SLTM: variants seen among roughly 807,000 people sequenced by gnomAD.
SLTM encodes SAFB like transcription modulator.
In SLTM, 43 loss-of-function variants were observed where a neutral mutation model predicts 134.6. The ratio of observed to expected loss-of-function variants is 0.32; its 90% CI spans 0.25 to 0.41. The LOEUF is 0.41. Ranked by LOEUF, SLTM falls within the 10% of genes least tolerant of loss-of-function variation. The probability of loss-of-function intolerance (pLI) is 1.00; values close to 1 mark genes in which losing one functional copy is unlikely to be tolerated. For missense variants in SLTM, 1,055 were observed against 1,288.8 expected, an observed-to-expected ratio of 0.82 and a Z score of 2.78; for synonymous variants, 424 against 432.3, an observed-to-expected ratio of 0.98 and a Z score of 0.24.
intron 5 of SLTM, among the ~76,000 whole-genome samples, chr15:58,908,281 G>A (rs1294187915): frequency 6.6e-6 from 1 of 151,850 alleles, no homozygotes; most frequent in Non-Finnish European, 1.5e-5. Flanking sequence ...GACTGGTCTT[G>A]AACTCTTGAG....
At position 58,933,538 on chromosome 15, in the gene SLTM, C is replaced by A. The variant is rs1368470492; in HGVS notation, c.28G>T (p.Ala10Ser). The change falls in exon 1 of 21, where the codon GCC becomes TCC. Residue 10 changes from alanine (A) to serine (S), a missense_variant. Transcript: ENST00000380516. ...TCCGCCTGACCCGAGGCGGCCGAGG[C>A]TGCCACCGCACCGGTAGCGGCAGCC... MAAATGAVA[A>S]SAASGQAEGK... The A allele has an allele frequency of 6.3e-7, 1 of 1,595,754 alleles. No individual in the cohort carries two copies. Among genetic ancestry groups the A allele is most frequent in the South Asian group, 1.1e-5 (1 of 89,080 alleles).
intron 3 of SLTM, among the ~76,000 whole-genome samples, chr15:58,915,308 T>C (rs1197835641): frequency 6.6e-6 from 1 of 152,252 alleles, no homozygotes; most frequent in Admixed American, 6.5e-5. Context: ...TTGTGGCACA[T>C]ATAAGAGACA....
chr15:58,926,613 CTT>C (rs377711971), intron 2 of SLTM, among the ~76,000 whole-genome samples: 2 of 141,706 alleles, frequency 1.4e-5, no homozygotes, highest in Non-Finnish European at 1.6e-5. Context: ...TCTGGATTAC[CTT>C]TTTTTTTTTT....
In SLTM at chr15:58,886,013, G is replaced by A. The variant is rs116313358; in HGVS notation, c.2835+962C>T. ...GAGGCAAAAGGTTTTTGTTCATTTCGGTCTCTAAAAGATAAAGACACTTTC... is the reference window on the plus strand; with the variant it reads ...GAGGCAAAAGGTTTTTGTTCATTTCAGTCTCTAAAAGATAAAGACACTTTC... On this transcript the variant is annotated intron_variant, in intron 19 of 20. Transcript: ENST00000380516. 2.1e-3 allele frequency among the ~76,000 whole-genome samples: 321 copies of A among 151,972 alleles called. 2 individuals carry two copies. The highest frequency in any genetic ancestry group is 7.6e-3 in the African/African-American group (317 of 41,446).
intron 2 of SLTM, among the ~76,000 whole-genome samples, chr15:58,931,992 G>A (rs2037912120): frequency 6.6e-6 from 1 of 152,208 alleles, no homozygotes; most frequent in African/African-American, 2.4e-5. Context: ...AGGAGGCAAG[G>A]TAAAAGATTT....
chr15:58,893,195 C>G (rs776356725), intron 13 of SLTM, 84 bp downstream of exon 13: 1 of 1,425,260 alleles, frequency 7.0e-7, no homozygotes. Context: ...CATGCAAGTA[C>G]GCAAAGATGG....
At chr15:58,911,971 C>A (rs1272115247) in intron 5 of SLTM, among the ~76,000 whole-genome samples, 1 of 152,092 alleles carries the variant, frequency 6.6e-6, no homozygotes, top group Non-Finnish European at 1.5e-5. Flanking sequence ...ATGTAGACTT[C>A]TCAAAAGACT....
intron 9 of SLTM, among the ~76,000 whole-genome samples, chr15:58,896,475 C>T (rs768339385): frequency 6.6e-6 from 1 of 151,898 alleles, no homozygotes; most frequent in African/African-American, 2.4e-5. Context: ...GCATGAGAAT[C>T]GTTTAAACTT....
chr15:58,898,915 C>A, intron 7 of SLTM, 63 bp from the exon 8 acceptor site: 3 of 1,192,868 alleles, frequency 2.5e-6, no homozygotes, highest in Admixed American at 2.0e-5. Context: ...CAAAACAGAA[C>A]AGCTTGATAT....
chr15:58,903,499 T>A (rs1475892095), intron 5 of SLTM, among the ~76,000 whole-genome samples: 1 of 139,886 alleles, frequency 7.1e-6, no homozygotes, highest in East Asian at 2.1e-4. Context: ...AAACACAGAT[T>A]TTGATTCAGA....
chr15:58,886,991 C>T lies in SLTM; in HGVS notation c.2819G>A (p.Arg940Gln), dbSNP rs764322327. Reference protein sequence around the residue: ...REGDRGVITDRGGGSQHYPEE... With the variant: ...REGDRGVITDQGGGSQHYPEE... ...AGCACTTACCTGTGATCCACCTCCT[C>T]GGTCTGTGATGACTCCTCTGTCTCC... is the stretch of plus-strand genomic sequence containing the variant. Residue 940 changes from arginine to glutamine, a missense_variant, in exon 19 of 21, where the codon CGA (arginine) becomes CAA (glutamine). This residue lies in a region of SLTM where 776 missense variants were observed against 962.2 expected (regional missense o/e 0.81). Transcript: ENST00000380516. 8 of 1,612,356 alleles carry T rather than the reference C, an allele frequency of 5.0e-6. No individual in the cohort carries two copies. Among genetic ancestry groups the T allele is most frequent in the Non-Finnish European group, 5.9e-6 (7 of 1,180,020 alleles).
intron 6 of SLTM, 82 bp downstream of exon 6, chr15:58,901,178 G>T: frequency 9.7e-7 from 1 of 1,028,908 alleles, no homozygotes; most frequent in Non-Finnish European, 1.5e-6. Context: ...TCAAAAATAA[G>T]ATTTCAAATA....
intron 2 of SLTM, among the ~76,000 whole-genome samples, chr15:58,918,890 T>C (rs1277185260): frequency 6.6e-6 from 1 of 151,874 alleles, no homozygotes; most frequent in East Asian, 1.9e-4. Flanking sequence ...GATGTCCTTT[T>C]CCTGAAAAAG....
chr15:58,899,237 C>CA lies in SLTM; in HGVS notation c.1058+231dup, dbSNP rs1460931372. ...AAAAAAAACAAAAAACAAAAAACAA[C>CA]AAAAAAACCAAATATATGCTGACAT... On this transcript the variant is annotated intron_variant, in intron 7 of 20. Coordinates refer to ENST00000380516, the MANE Select transcript of SLTM (RefSeq NM_024755.4). This position sits in a 1 kb window ranked among gnomAD's most constrained non-coding sequence, Gnocchi z 5.0. 1.9e-5 allele frequency: 8 copies of CA among 423,606 alleles called. No homozygotes were observed. The highest frequency in any genetic ancestry group is 6.0e-4 in the Middle Eastern group (1 of 1,660). 26.2% of individuals were successfully genotyped at this position (423,606 alleles called of 1,614,324 possible).
chr15:58,927,791 C>T (rs1422131379), intron 2 of SLTM, among the ~76,000 whole-genome samples: 1 of 152,146 alleles, frequency 6.6e-6, no homozygotes, highest in Admixed American at 6.5e-5. Flanking sequence ...TCCTCAATGC[C>T]ACAGTTCTGA....
chr15:58,894,618 A>G (rs1261844770), intron 9 of SLTM, 36 bp from the exon 10 acceptor site: 7 of 1,604,702 alleles, frequency 4.4e-6, no homozygotes, highest in Non-Finnish European at 6.0e-6. Context: ...GAGTTTTACA[A>G]CGTTCCAAGT....
chr15:58,881,072 A>C (rs1314189796), intron 20 of SLTM, among the ~76,000 whole-genome samples: 1 of 152,044 alleles, frequency 6.6e-6, no homozygotes, highest in Non-Finnish European at 1.5e-5. Flanking sequence ...TAATCCCAGC[A>C]CTTTGGGAGG....
At chr15:58,929,140 G>C (rs1419543470) in intron 2 of SLTM, among the ~76,000 whole-genome samples, 1 of 152,140 alleles carries the variant, frequency 6.6e-6, no homozygotes, top group Non-Finnish European at 1.5e-5. Context: ...CTGGCAAAAA[G>C]AATTGAATGT....
intron 5 of SLTM, among the ~76,000 whole-genome samples, chr15:58,912,316 G>C (rs1331659501): frequency 3.3e-5 from 5 of 152,010 alleles, no homozygotes; most frequent in Non-Finnish European, 1.5e-5. Context: ...AGCCAGGATG[G>C]TCTCGATCTC....
Sources: gnomAD v4.1 joint callset for allele counts (sites outside exome capture counted in the v4.1 genomes callset) on GRCh38, gnomAD v4.1.1 for gene constraint, gnomAD v4.1.1 regional missense constraint, Gnocchi (gnomAD v3.1) non-coding constraint, MANE v1.5 for transcripts, NCBI Gene and HGNC (gene_info 2026-07-23, HGNC 2026-07-21) for gene names.